Variants in ACTRT2 observed in about 807,000 individuals in gnomAD.
ACTRT2 encodes the protein actin related protein T2.
Under a neutral mutation model 1.2 loss-of-function variants are expected in ACTRT2, and 1 was observed. That is an observed-to-expected ratio of 0.80 (90% CI 0.29 to 3.81). The LOEUF (loss-of-function observed/expected upper bound fraction) is 3.81, where lower values mean the gene tolerates loss of function less well. ACTRT2 is among the 30% of genes most tolerant of loss of function. The probability of loss-of-function intolerance (pLI) is 0.18; values close to 1 mark genes in which losing one functional copy is unlikely to be tolerated. For synonymous variants in ACTRT2, 262 were observed against 228.9 expected (o/e 1.14, Z -1.30); for missense variants, 488 against 497.9 (o/e 0.98, Z 0.19).
At position 3,021,797 on chromosome 1, in the gene ACTRT2, C is replaced by T. The variant is rs866280677; in HGVS notation, c.111C>T (p.Ser37=). Residue 37 remains serine, a synonymous_variant, in exon 1 of 1, where the codon TCC becomes TCT. Transcript: ENST00000378404. ...TTGGACCCCGGCACATGGTCAGCTC[C>T]ATCGTGGGGCACCTGAAATTCCAGG... is the stretch of plus-strand genomic sequence containing the variant. The part of the protein sequence containing the change: ...GEFGPRHMVS[S]IVGHLKFQAP... 1 of 1,613,690 alleles carries T rather than the reference C, an allele frequency of 6.2e-7. No individual in the cohort carries two copies. Among genetic ancestry groups the T allele is most frequent in the Non-Finnish European group, 8.5e-7 (1 of 1,180,034 alleles).
chr1:3,022,151 G>A lies in ACTRT2; in HGVS notation c.465G>A (p.Leu155=). The A allele has an allele frequency of 6.2e-7, 1 of 1,613,188 alleles. No individual in the cohort carries two copies. Among genetic ancestry groups the A allele is most frequent in the South Asian group, 1.1e-5 (1 of 91,086 alleles). ...ACGCCTCTGCCTGTGTCACGGGCCT[G>A]GTGGTGGACAGCGGGGATGCGGTCA... is the stretch of plus-strand genomic sequence containing the variant. The part of the protein sequence containing the change: ...ALYASACVTG[L]VVDSGDAVTC... Residue 155 remains leucine, a synonymous_variant, in exon 1 of 1, where the codon CTG becomes CTA. Coordinates refer to ENST00000378404, the MANE Select transcript of ACTRT2 (RefSeq NM_080431.5). The surrounding 1 kb of genome is among the most constrained non-coding windows in gnomAD (Gnocchi z 7.7).
In ACTRT2 at chr1:3,021,525, G is replaced by A. The variant is rs1332054603; in HGVS notation, c.-162G>A. On this transcript the variant is annotated 5_prime_UTR_variant, in exon 1 of 1. Coordinates refer to ENST00000378404, the MANE Select transcript of ACTRT2 (RefSeq NM_080431.5). Reference sequence around the variant, plus strand: ...GCCCAGGCCACCTGGAGGGAGAGCAGACCTGCGGCTGAGGATGCAGGGCTC... The same window carrying A: ...GCCCAGGCCACCTGGAGGGAGAGCAAACCTGCGGCTGAGGATGCAGGGCTC... 3.0e-6 allele frequency: 3 copies of A among 997,600 alleles called. No homozygotes were observed. In the African/African-American group the frequency reaches 4.9e-5, roughly 16 times the overall value. 61.8% of individuals were successfully genotyped at this position (997,600 alleles called of 1,614,324 possible). A position where few individuals can be genotyped will look rare whatever the true frequency, so the allele number is the denominator to read the frequency against.
Position 3,022,892 on chromosome 1 carries a change from C to A in ACTRT2, c.*72C>A. The A allele has an allele frequency of 1.3e-6, 2 of 1,526,476 alleles. No homozygotes were observed. The highest frequency in any genetic ancestry group is 1.8e-6 in the Non-Finnish European group (2 of 1,135,510). The allele number at this position is 1,526,476 out of a possible 1,614,324, so 94.6% of individuals were successfully genotyped here. A position where few individuals can be genotyped will look rare whatever the true frequency, so the allele number is the denominator to read the frequency against. On this transcript the variant is annotated 3_prime_UTR_variant, in exon 1 of 1. Coordinates refer to ENST00000378404, the MANE Select transcript of ACTRT2 (RefSeq NM_080431.5). The surrounding 1 kb of genome is among the most constrained non-coding windows in gnomAD (Gnocchi z 7.7). ...CTTTGGGAGGATGTTCAATAAAGGA[C>A]CAATGCCGGAACACCTGGCCACCTC...
chr1:3,022,522 T>G lies in ACTRT2; in HGVS notation c.836T>G (p.Met279Arg). ...LGSQSPGLSN[M>R]VSSSITKCDT... ...AGCCAGAGCCCCGGGCTCTCGAATA[T>G]GGTCTCCAGCAGCATCACCAAGTGT... is the stretch of plus-strand genomic sequence containing the variant. Residue 279 changes from methionine to arginine, a missense_variant, in exon 1 of 1, where the codon ATG becomes AGG. Coordinates refer to ENST00000378404, the MANE Select transcript of ACTRT2 (RefSeq NM_080431.5). The surrounding 1 kb of genome is among the most constrained non-coding windows in gnomAD (Gnocchi z 7.7). 6.2e-7 allele frequency: 1 copy of G among 1,612,888 alleles called. No individual in the cohort carries two copies. The highest frequency in any genetic ancestry group is 2.2e-5 in the East Asian group (1 of 44,830).
Position 3,022,482 on chromosome 1 carries a change from C to T in ACTRT2, c.796C>T (p.Pro266Ser), listed in dbSNP as rs771750991. 1 of 1,612,894 alleles carries T rather than the reference C, an allele frequency of 6.2e-7. No individual in the cohort carries two copies. Among genetic ancestry groups the T allele is most frequent in the Non-Finnish European group, 8.5e-7 (1 of 1,180,018 alleles). The change falls in exon 1 of 1, where the codon CCC (proline) becomes TCC (serine). Residue 266 changes from proline to serine, a missense_variant. Physicochemically the swap from Pro to Ser is moderately conservative, Grantham distance 74 (BLOSUM62 -1). Transcript: ENST00000378404. This position sits in a 1 kb window ranked among gnomAD's most constrained non-coding sequence, Gnocchi z 7.7. ...CCAGGCGCCCGAGGCCCTGTTCGTGCCCCAGCAGCTGGGCAGCCAGAGCCC... is the reference window on the plus strand; with the variant it reads ...CCAGGCGCCCGAGGCCCTGTTCGTGTCCCAGCAGCTGGGCAGCCAGAGCCC... ...LHQAPEALFV[P>S]QQLGSQSPGL...
Position 3,021,586 on chromosome 1 carries a change from G to C in ACTRT2, c.-101G>C. On this transcript the variant is annotated 5_prime_UTR_variant, in exon 1 of 1. Transcript: ENST00000378404. The stretch of plus-strand genomic sequence containing the variant: ...TGCTAGCCCTGCCTTGAGACACCCC[G>C]AGAGCTGTGGGAAGAGCTGTGGGAT... 6.8e-7 allele frequency: 1 copy of C among 1,480,028 alleles called. No individual in the cohort carries two copies. The highest frequency in any genetic ancestry group is 1.4e-5 in the African/African-American group (1 of 71,198). 91.7% of individuals were successfully genotyped at this position (1,480,028 alleles called of 1,614,324 possible).
chr1:3,022,032 C>G lies in ACTRT2; in HGVS notation c.346C>G (p.Pro116Ala), dbSNP rs1208346406. The change falls in exon 1 of 1, where the codon CCC becomes GCC. Residue 116 changes from proline to alanine, a missense_variant. Coordinates refer to ENST00000378404, the MANE Select transcript of ACTRT2 (RefSeq NM_080431.5). The surrounding 1 kb of genome is among the most constrained non-coding windows in gnomAD (Gnocchi z 7.7). ...GCTTGCAACGGAGCCCTCCCTGAAC[C>G]CCAGGGAGAACCGTGAGAAGATGGC... ...PLLATEPSLN[P>A]RENREKMAEV... The G allele has an allele frequency of 1.9e-6, 3 of 1,613,582 alleles. No individual in the cohort carries two copies. The highest frequency in any genetic ancestry group is 2.5e-6 in the Non-Finnish European group (3 of 1,180,032).
Position 3,021,914 on chromosome 1 carries a change from G to A in ACTRT2, c.228G>A (p.Glu76=), listed in dbSNP as rs1340047386. The change falls in exon 1 of 1, where the codon GAG becomes GAA. Residue 76 remains glutamate, a synonymous_variant. Coordinates refer to ENST00000378404, the MANE Select transcript of ACTRT2 (RefSeq NM_080431.5). ...QEALQLHSPF[E]RGLITGWDDV... ...CCCTGCAGCTGCACTCCCCTTTCGA[G>A]CGTGGCCTGATCACAGGGTGGGATG... 6.2e-7 allele frequency: 1 copy of A among 1,613,562 alleles called. No homozygotes were observed. The highest frequency in any genetic ancestry group is 1.7e-5 in the Admixed American group (1 of 60,032).
In ACTRT2 at chr1:3,021,862, G is replaced by A. The variant is rs1641078712; in HGVS notation, c.176G>A (p.Gly59Glu). 6.2e-7 allele frequency: 1 copy of A among 1,613,266 alleles called. No homozygotes were observed. The highest frequency in any genetic ancestry group is 1.3e-5 in the African/African-American group (1 of 74,882). ...GCCAACCAGAAGAAGTACTTTGTGG[G>A]GGAGGAGGCCCTGTACAAGCAGGAG... is the stretch of plus-strand genomic sequence containing the variant. ...AEANQKKYFV[G>E]EEALYKQEAL... is the part of the protein sequence containing the mutation. The change falls in exon 1 of 1, where the codon GGG (glycine) becomes GAG (glutamate). Residue 59 changes from glycine (G) to glutamate (E), a missense_variant. Coordinates refer to ENST00000378404, the MANE Select transcript of ACTRT2 (RefSeq NM_080431.5).
rs35852409 is a variant in ACTRT2, at chr1:3,022,574, T to C, written c.888T>C (p.Phe296=). 7.5e-4 allele frequency: 1,206 copies of C among 1,612,976 alleles called. 14 individuals carry two copies. The African/African-American group carries it at 0.014, about 18-fold the overall frequency. Residue 296 remains phenylalanine (F), a synonymous_variant, in exon 1 of 1, where the codon TTT becomes TTC. Coordinates refer to ENST00000378404, the MANE Select transcript of ACTRT2 (RefSeq NM_080431.5). The surrounding 1 kb of genome is among the most constrained non-coding windows in gnomAD (Gnocchi z 7.7). ...KCDTDIQKIL[F]GEIVLSGGTT... The stretch of plus-strand genomic sequence containing the variant: ...ATACCGACATCCAGAAGATCCTCTT[T>C]GGGGAGATTGTGCTGTCGGGGGGCA...
rs1641098644 is a variant in ACTRT2, at chr1:3,022,878, T to G, written c.*58T>G. 6.5e-7 allele frequency: 1 copy of G among 1,543,018 alleles called. No homozygotes were observed. The stretch of plus-strand genomic sequence containing the variant: ...AACCCTAGCCCCAGCTTTGGGAGGA[T>G]GTTCAATAAAGGACCAATGCCGGAA... On this transcript the variant is annotated 3_prime_UTR_variant, in exon 1 of 1. Coordinates refer to ENST00000378404, the MANE Select transcript of ACTRT2 (RefSeq NM_080431.5). This position sits in a 1 kb window ranked among gnomAD's most constrained non-coding sequence, Gnocchi z 7.7.
Position 3,022,351 on chromosome 1 carries a change from A to G in ACTRT2, c.665A>G (p.Tyr222Cys), listed in dbSNP as rs1279143612. The change falls in exon 1 of 1, where the codon TAC becomes TGC. Residue 222 changes from tyrosine (Y) to cysteine (C), a missense_variant. By Grantham distance (194) the Tyr-to-Cys change is radical. Coordinates refer to ENST00000378404, the MANE Select transcript of ACTRT2 (RefSeq NM_080431.5). The surrounding 1 kb of genome is among the most constrained non-coding windows in gnomAD (Gnocchi z 7.7). Reference protein sequence around the residue: ...LVDDIKKKLCYVALEPEKELS... With the variant: ...LVDDIKKKLCCVALEPEKELS... ...GACGACATCAAAAAGAAGCTGTGCTACGTGGCCTTGGAGCCCGAGAAGGAG... is the reference window on the plus strand; with the variant it reads ...GACGACATCAAAAAGAAGCTGTGCTGCGTGGCCTTGGAGCCCGAGAAGGAG... The G allele has an allele frequency of 6.2e-7, 1 of 1,612,958 alleles. No individual in the cohort carries two copies. Among genetic ancestry groups the G allele is most frequent in the Non-Finnish European group, 8.5e-7 (1 of 1,180,032 alleles).
At position 3,022,116 on chromosome 1, in the gene ACTRT2, C is replaced by T; in HGVS notation, c.430C>T (p.Leu144=). The change falls in exon 1 of 1, where the codon CTG becomes TTG. Residue 144 remains leucine (L), a synonymous_variant. Coordinates refer to ENST00000378404, the MANE Select transcript of ACTRT2 (RefSeq NM_080431.5). This position sits in a 1 kb window ranked among gnomAD's most constrained non-coding sequence, Gnocchi z 7.7. The stretch of plus-strand genomic sequence containing the variant: ...TTTCTACCTGTCGGACCAGGCGGTG[C>T]TGGCTCTCTACGCCTCTGCCTGTGT... ...PAFYLSDQAV[L]ALYASACVTG... The T allele has an allele frequency of 6.2e-7, 1 of 1,613,316 alleles. No individual in the cohort carries two copies. The highest frequency in any genetic ancestry group is 8.5e-7 in the Non-Finnish European group (1 of 1,180,040).
rs1466329053 is a variant in ACTRT2 at position 3,022,607 on chromosome 1, G to C, written c.921G>C (p.Leu307=). 6.2e-7 allele frequency: 1 copy of C among 1,613,152 alleles called. No homozygotes were observed. Among genetic ancestry groups the C allele is most frequent in the Non-Finnish European group, 8.5e-7 (1 of 1,180,026 alleles). ...TTGTGCTGTCGGGGGGCACTACCCTGTTCCACGGGCTGGATGACCGGCTTC... is the reference window on the plus strand; with the variant it reads ...TTGTGCTGTCGGGGGGCACTACCCTCTTCCACGGGCTGGATGACCGGCTTC... ...GEIVLSGGTT[L]FHGLDDRLLK... Residue 307 remains leucine (L), a synonymous_variant, in exon 1 of 1, where the codon CTG becomes CTC. Transcript: ENST00000378404. This position sits in a 1 kb window ranked among gnomAD's most constrained non-coding sequence, Gnocchi z 7.7.
rs137950147 is a variant in ACTRT2 at position 3,021,852 on chromosome 1, T to C, written c.166T>C (p.Tyr56His). ...APSAEANQKK[Y>H]FVGEEALYKQ... ...CTCAGCAGAGGCCAACCAGAAGAAG[T>C]ACTTTGTGGGGGAGGAGGCCCTGTA... The change falls in exon 1 of 1, where the codon TAC becomes CAC. Residue 56 changes from tyrosine to histidine, a missense_variant. Tyr to His is a moderately conservative substitution (Grantham distance 83). Coordinates refer to ENST00000378404, the MANE Select transcript of ACTRT2 (RefSeq NM_080431.5). The C allele has an allele frequency of 3.7e-3, 5,962 of 1,613,178 alleles. 15 individuals are homozygous for C. Among genetic ancestry groups the C allele is most frequent in the Non-Finnish European group, 4.6e-3 (5,429 of 1,179,970 alleles).
In ACTRT2 at chr1:3,022,691, C is replaced by A. The variant is rs145557114; in HGVS notation, c.1005C>A (p.Pro335=). The A allele has an allele frequency of 6.2e-6, 10 of 1,613,440 alleles. No homozygotes were observed. In the Admixed American group the frequency reaches 6.7e-5, roughly 11 times the overall value. The change falls in exon 1 of 1, where the codon CCC becomes CCA. Residue 335 remains proline, a synonymous_variant. Coordinates refer to ENST00000378404, the MANE Select transcript of ACTRT2 (RefSeq NM_080431.5). This position sits in a 1 kb window ranked among gnomAD's most constrained non-coding sequence, Gnocchi z 7.7. ...CCCCCATCAAGATCACGGCTCCCCC[C>A]GACCGGTGGTTCTCCACCTGGATTG... ...KDTPIKITAP[P]DRWFSTWIGA...
chr1:3,021,550 C>T lies in ACTRT2; in HGVS notation c.-137C>T. 3 of 1,260,078 alleles carry T rather than the reference C, an allele frequency of 2.4e-6. No homozygotes were observed. Among genetic ancestry groups the T allele is most frequent in the South Asian group, 3.0e-5 (2 of 67,474 alleles). 78.1% of individuals were successfully genotyped at this position (1,260,078 alleles called of 1,614,324 possible). On this transcript the variant is annotated 5_prime_UTR_variant, in exon 1 of 1. Coordinates refer to ENST00000378404, the MANE Select transcript of ACTRT2 (RefSeq NM_080431.5). Reference sequence around the variant, plus strand: ...GACCTGCGGCTGAGGATGCAGGGCTCCCGGGCACGGTGCTAGCCCTGCCTT... The same window carrying T: ...GACCTGCGGCTGAGGATGCAGGGCTTCCGGGCACGGTGCTAGCCCTGCCTT...
rs1157186064 is a variant in ACTRT2, at chr1:3,022,100, G to C, written c.414G>C (p.Leu138=). 1 of 1,613,404 alleles carries C rather than the reference G, an allele frequency of 6.2e-7. No homozygotes were observed. The highest frequency in any genetic ancestry group is 1.7e-5 in the Admixed American group (1 of 60,032). The change falls in exon 1 of 1, where the codon CTG becomes CTC. Residue 138 remains leucine (L), a synonymous_variant. Transcript: ENST00000378404. The surrounding 1 kb of genome is among the most constrained non-coding windows in gnomAD (Gnocchi z 7.7). ...FENFGVPAFY[L]SDQAVLALYA... is the part of the protein sequence containing the mutation. ...ACTTCGGCGTGCCCGCTTTCTACCT[G>C]TCGGACCAGGCGGTGCTGGCTCTCT...
Position 3,021,854 on chromosome 1 carries a change from C to A in ACTRT2, c.168C>A (p.Tyr56Ter). Residue 56 changes from tyrosine to a stop codon, truncating the protein, a stop_gained, in exon 1 of 1, where the codon TAC becomes TAA. Transcript: ENST00000378404. LOFTEE classifies it low-confidence loss of function (END_TRUNC). ...APSAEANQKK[Y>*]FVGEEALYKQ... Reference sequence around the variant, plus strand: ...CAGCAGAGGCCAACCAGAAGAAGTACTTTGTGGGGGAGGAGGCCCTGTACA... The same window carrying A: ...CAGCAGAGGCCAACCAGAAGAAGTAATTTGTGGGGGAGGAGGCCCTGTACA... The A allele has an allele frequency of 6.2e-7, 1 of 1,613,012 alleles. No individual in the cohort carries two copies. Among genetic ancestry groups the A allele is most frequent in the Non-Finnish European group, 8.5e-7 (1 of 1,179,858 alleles).
Sources: gnomAD v4.1 joint callset for allele counts on GRCh38, gnomAD v4.1.1 for gene constraint, Gnocchi (gnomAD v3.1) non-coding constraint, MANE v1.5 for transcripts, NCBI Gene and HGNC (gene_info 2026-07-23, HGNC 2026-07-21) for gene names.